The following CSMD1 variants were observed in gnomAD, a reference collection of about 807,000 sequenced individuals.
The protein encoded by CSMD1 is CUB and sushi domain-containing protein 1.
Under a neutral mutation model 417.5 loss-of-function variants are expected in CSMD1, and 213 were observed. The observed-to-expected ratio is 0.51, with a 90% CI of 0.46 to 0.57. The LOEUF (loss-of-function observed/expected upper bound fraction) is 0.57. CSMD1 is among the 20% of genes least tolerant of loss of function. CSMD1 has a pLI of 0.00. For missense variants in CSMD1, 6,923 were observed against 4,529.7 expected (o/e 1.53, Z -15.17); for synonymous variants, 2,862 against 1,736.8 (o/e 1.65, Z -16.11).
chr8:4,050,722 GAGTAAATGAATTA>G (rs1461077230), intron 3 of CSMD1, among the ~76,000 whole-genome samples: 4 of 152,002 alleles, frequency 2.6e-5, no homozygotes, highest in African/African-American at 4.8e-5. Flanking sequence ...ACTATTTAGT[GAGTAAATGAATTA>G]AGTCACTAAA....
intron 23 of CSMD1, among the ~76,000 whole-genome samples, chr8:3,326,097 A>T (rs1806512703): frequency 6.6e-6 from 1 of 152,160 alleles, no homozygotes; most frequent in South Asian, 2.1e-4. Flanking sequence ...ACAGCCACAG[A>T]ATGCTTGGCT....
At chr8:4,658,429 C>G (rs375327293) in intron 1 of CSMD1, among the ~76,000 whole-genome samples, 1 of 151,994 alleles carries the variant, frequency 6.6e-6, no homozygotes, top group Non-Finnish European at 1.5e-5. Context: ...TCCTGGAGGC[C>G]AGAAGCAAGT....
chr8:4,539,731 C>T (rs979113416), intron 2 of CSMD1, among the ~76,000 whole-genome samples: 39 of 152,110 alleles, frequency 2.6e-4, no homozygotes, highest in Admixed American at 2.2e-3. Flanking sequence ...TGTGATTTTA[C>T]GGAAACAAAA....
Position 4,883,569 on chromosome 8 carries a change from A to C in CSMD1, c.85+110763T>G, listed in dbSNP as rs1018335492. 2.0e-4 allele frequency among the ~76,000 whole-genome samples: 31 copies of C among 152,116 alleles called. 1 individual carries two copies. Among genetic ancestry groups the C allele is most frequent in the African/African-American group, 7.3e-4 (30 of 41,378 alleles). ...TTTGCCAATTCCAAGCATTTCGTAT[A>C]ATAGAATCACATAATATTTTGTGGC... On this transcript the variant is annotated intron_variant, in intron 1 of 69. Transcript: ENST00000635120.
At chr8:4,834,445 G>C (rs989090680) in intron 1 of CSMD1, among the ~76,000 whole-genome samples, 1 of 152,180 alleles carries the variant, frequency 6.6e-6, no homozygotes, top group South Asian at 2.1e-4. Flanking sequence ...GATTGAGTGG[G>C]CACATGCCCA....
At chr8:3,054,405 T>C (rs1401721609) in intron 49 of CSMD1, among the ~76,000 whole-genome samples, 1 of 151,910 alleles carries the variant, frequency 6.6e-6, no homozygotes, top group African/African-American at 2.4e-5. Flanking sequence ...ATTGCTTGAG[T>C]CCAGGAGTTC....
chr8:3,266,597 T>C (rs1159042018), intron 26 of CSMD1, among the ~76,000 whole-genome samples: 10 of 54,002 alleles, frequency 1.9e-4, no homozygotes, highest in Admixed American at 9.3e-4. Flanking sequence ...AGAGTGAGAC[T>C]CCCTCTCAAA....
chr8:4,468,896 T>C (rs1243215022), intron 2 of CSMD1, among the ~76,000 whole-genome samples: 2 of 152,124 alleles, frequency 1.3e-5, no homozygotes, highest in Non-Finnish European at 2.9e-5. Flanking sequence ...TTAGAATATT[T>C]TGGCTAATAG....
intron 5 of CSMD1, among the ~76,000 whole-genome samples, chr8:3,941,419 T>C (rs1810874731): frequency 6.6e-6 from 1 of 152,168 alleles, no homozygotes; most frequent in Admixed American, 6.6e-5. Flanking sequence ...TAAATATTTC[T>C]GTCCATCAGT....
chr8:3,190,765 G>C (rs920632823), intron 33 of CSMD1, among the ~76,000 whole-genome samples: 1 of 152,146 alleles, frequency 6.6e-6, no homozygotes, highest in African/African-American at 2.4e-5. Context: ...AACAGATAAA[G>C]AAAACGTGGA....
chr8:3,287,623 G>C (rs571692407), intron 25 of CSMD1, among the ~76,000 whole-genome samples: 1 of 152,136 alleles, frequency 6.6e-6, no homozygotes, highest in Non-Finnish European at 1.5e-5. Context: ...TGGCATATGA[G>C]AATGCTTGTG....
intron 23 of CSMD1, among the ~76,000 whole-genome samples, chr8:3,325,484 G>A (rs1806464925): frequency 6.6e-6 from 1 of 152,142 alleles, no homozygotes; most frequent in South Asian, 2.1e-4. Flanking sequence ...TCCAAGTACT[G>A]GTGGCCAACA....
At chr8:4,332,552 TACACAC>T (rs368534632) in intron 3 of CSMD1, among the ~76,000 whole-genome samples, 5,933 of 128,510 alleles carry the variant, frequency 0.046, 104 homozygotes, top group Non-Finnish European at 0.063. Flanking sequence ...TGATATCACA[TACACAC>T]ACACACACAC....
intron 5 of CSMD1, among the ~76,000 whole-genome samples, chr8:3,913,556 C>T (rs1208016743): frequency 6.6e-6 from 1 of 152,100 alleles, no homozygotes; most frequent in African/African-American, 2.4e-5. Context: ...AATAATAAGG[C>T]AACAAAGAAT....
intron 3 of CSMD1, among the ~76,000 whole-genome samples, chr8:4,044,964 A>T (rs1222739171): frequency 6.6e-6 from 1 of 152,240 alleles, no homozygotes; most frequent in Non-Finnish European, 1.5e-5. Context: ...TATATTCAAC[A>T]TCTTGTTCAC....
chr8:3,831,226 T>C (rs1222060111), intron 5 of CSMD1, among the ~76,000 whole-genome samples: 1 of 151,750 alleles, frequency 6.6e-6, no homozygotes, highest in Non-Finnish European at 1.5e-5. Flanking sequence ...GAAAGTTAAA[T>C]AAAAAAAACA....
intron 3 of CSMD1, among the ~76,000 whole-genome samples, chr8:4,396,148 G>A (rs796369652): frequency 1.3e-5 from 2 of 152,056 alleles, no homozygotes; most frequent in African/African-American, 4.8e-5. Flanking sequence ...GCTAAATATA[G>A]AAGTAATTAT....
intron 3 of CSMD1, among the ~76,000 whole-genome samples, chr8:4,223,308 C>G (rs55883145): frequency 6.6e-6 from 1 of 152,228 alleles, no homozygotes; most frequent in African/African-American, 2.4e-5. Context: ...CCTGCACACT[C>G]GTGGGGACTC....
chr8:3,692,270 C>G (rs866475734), intron 7 of CSMD1, among the ~76,000 whole-genome samples: 1 of 152,122 alleles, frequency 6.6e-6, no homozygotes, highest in Non-Finnish European at 1.5e-5. Flanking sequence ...GCGATTTCAC[C>G]AGCACCACCA....
Sources: allele counts gnomAD v4.1 joint callset (sites outside exome capture counted in the v4.1 genomes callset), GRCh38; gene constraint gnomAD v4.1.1; transcripts MANE v1.5; gene names NCBI Gene and HGNC (gene_info 2026-07-23, HGNC 2026-07-21).